The following COL6A6 variants were observed in gnomAD, a reference collection of about 807,000 sequenced individuals.
COL6A6 encodes the protein collagen type VI alpha 6 chain, also known as collagen alpha-6(VI) chain.
Under a neutral mutation model 208.6 loss-of-function variants are expected in COL6A6, and 183 were observed. That is an observed-to-expected ratio of 0.88 (90% CI 0.78 to 0.99). The LOEUF (loss-of-function observed/expected upper bound fraction) is 0.99. COL6A6 is among the 50% of genes least tolerant of loss of function. COL6A6 has a pLI of 0.00. For missense variants in COL6A6, 2,816 were observed against 2,815.2 expected, an observed-to-expected ratio of 1.00 and a Z score of -0.01; for synonymous variants, 973 against 1,011.8, an observed-to-expected ratio of 0.96 and a Z score of 0.73.
In COL6A6 at chr3:130,586,604, A is replaced by C. The variant is rs2063548355; in HGVS notation, c.4069A>C (p.Arg1357=). The change falls in exon 11 of 37, where the codon AGG becomes CGG. Residue 1357 remains arginine, a synonymous_variant. Transcript: ENST00000358511. ...TGAATTTGGGAAAGGATTTGAGTAC[A>C]GGACACAGCTCTCTATTGGCATGAG... is the stretch of plus-strand genomic sequence containing the variant. The part of the protein sequence containing the change: ...YIEFGKGFEY[R]TQLSIGMREL... 6.2e-7 allele frequency: 1 copy of C among 1,613,872 alleles called. No individual in the cohort carries two copies. Among genetic ancestry groups the C allele is most frequent in the Admixed American group, 1.7e-5 (1 of 60,008 alleles).
intron 10 of COL6A6, among the ~76,000 whole-genome samples, chr3:130,584,163 C>T (rs2063484437): frequency 6.6e-6 from 1 of 152,098 alleles, no homozygotes; most frequent in African/African-American, 2.4e-5. Flanking sequence ...GATCATGTGA[C>T]TCATTTATTG....
At chr3:130,600,260 G>A (rs753490544) in intron 20 of COL6A6, among the ~76,000 whole-genome samples, 6 of 152,214 alleles carry the variant, frequency 3.9e-5, no homozygotes, top group Non-Finnish European at 7.3e-5. Flanking sequence ...CTTTTACACT[G>A]TTGGTGGGAA....
Position 130,674,372 on chromosome 3 carries a change from A to G in COL6A6, c.6597-830A>G, listed in dbSNP as rs1472904881. Reference sequence around the variant, plus strand: ...TTTTTTCAGACAGGCTCTAAGTTCTACTTAGCACTTGGCTTCTATGATTCC... The same window carrying G: ...TTTTTTCAGACAGGCTCTAAGTTCTGCTTAGCACTTGGCTTCTATGATTCC... On this transcript the variant is annotated intron_variant, in intron 36 of 36. Transcript: ENST00000358511. 2.0e-5 allele frequency among the ~76,000 whole-genome samples: 3 copies of G among 152,120 alleles called. No individual in the cohort carries two copies. In the South Asian group the frequency reaches 6.2e-4, roughly 32 times the overall value.
intron 28 of COL6A6, among the ~76,000 whole-genome samples, chr3:130,639,139 G>T (rs1383763665): frequency 6.6e-6 from 1 of 152,014 alleles, no homozygotes; most frequent in Non-Finnish European, 1.5e-5. Flanking sequence ...CTTTCTGGGA[G>T]AGTTCGTTGA....
intron 1 of COL6A6, among the ~76,000 whole-genome samples, chr3:130,536,768 T>C (rs2062234711): frequency 1.3e-5 from 2 of 152,170 alleles, no homozygotes; most frequent in South Asian, 4.1e-4. Flanking sequence ...AAGGCCCTGA[T>C]GAACATGGAA....
intron 34 of COL6A6, among the ~76,000 whole-genome samples, 167 bp from the exon 35 acceptor site, chr3:130,661,470 G>A (rs536009559): frequency 2.6e-5 from 4 of 152,182 alleles, no homozygotes; most frequent in South Asian, 2.1e-4. Flanking sequence ...GTACTTTTGG[G>A]GGACAGATGC....
At position 130,557,924 on chromosome 3, in the gene COL6A6, C is replaced by A. The variant is rs181502812; in HGVS notation, c.-31-2410C>A. Among the ~76,000 whole-genome samples the A allele has an allele frequency of 2.2e-4, 33 of 152,168 alleles. No individual in the cohort carries two copies. In the East Asian group the frequency reaches 5.8e-3, roughly 27 times the overall value. On this transcript the variant is annotated intron_variant, in intron 1 of 36. Transcript: ENST00000358511. ...CAGAGATCTAGATTTTTTAAAAAGA[C>A]CTTTATAGCATATAAAGAGAAAGTA...
intron 32 of COL6A6, among the ~76,000 whole-genome samples, chr3:130,646,587 CA>C (rs1358582341): frequency 6.6e-6 from 1 of 152,096 alleles, no homozygotes; most frequent in Non-Finnish European, 1.5e-5. Flanking sequence ...CAAAAAAAAC[CA>C]AAGGAGCCAT....
At chr3:130,607,974 G>C (rs369382239) in intron 21 of COL6A6, among the ~76,000 whole-genome samples, 19 of 152,320 alleles carry the variant, frequency 1.2e-4, no homozygotes, top group South Asian at 4.1e-4. Flanking sequence ...GTGAGGGCTT[G>C]CTGTTCACTC....
At chr3:130,547,277 C>T (rs540447643) in intron 1 of COL6A6, among the ~76,000 whole-genome samples, 47 of 152,374 alleles carry the variant, frequency 3.1e-4, no homozygotes, top group African/African-American at 6.5e-4. Flanking sequence ...GGGGACCCAG[C>T]GCCCCCTCTG....
intron 6 of COL6A6, 118 bp downstream of exon 6, chr3:130,568,722 T>C (rs2063092305): frequency 9.0e-6 from 9 of 998,598 alleles, no homozygotes; most frequent in South Asian, 1.7e-5. Context: ...ATTGAAATGT[T>C]TCTCCTAGTG....
rs757924698 is a variant in COL6A6 at position 130,649,440 on chromosome 3, A to G, written c.5611A>G (p.Ser1871Gly). The G allele has an allele frequency of 3.7e-6, 6 of 1,612,868 alleles. No homozygotes were observed. The African/African-American group carries it at 5.3e-5, about 14-fold the overall frequency. Reference sequence around the variant, plus strand: ...CACGAGAAAAATCGCCACATTTTTCAGCAGCGGTCAGTCCGCGGATGCCCA... The same window carrying G: ...CACGAGAAAAATCGCCACATTTTTCGGCAGCGGTCAGTCCGCGGATGCCCA... Reference protein sequence around the residue: ...AHTRKIATFFSSGQSADAHSI... With the variant: ...AHTRKIATFFGSGQSADAHSI... Residue 1871 changes from serine (S) to glycine (G), a missense_variant, in exon 33 of 37, where the codon AGC (serine) becomes GGC (glycine). Transcript: ENST00000358511.
intron 33 of COL6A6, among the ~76,000 whole-genome samples, chr3:130,651,622 GGAAAT>G (rs2065647950): frequency 6.6e-6 from 1 of 152,044 alleles, no homozygotes; most frequent in East Asian, 1.9e-4. Flanking sequence ...GTTCAGATAG[GGAAAT>G]GCAATAAAGT....
intron 1 of COL6A6, among the ~76,000 whole-genome samples, chr3:130,549,000 T>A (rs1369608646): frequency 6.6e-6 from 1 of 152,220 alleles, no homozygotes; most frequent in Admixed American, 6.5e-5. Flanking sequence ...AAGCTTCTTA[T>A]ATGCTAGGCT....
chr3:130,649,208 C>A lies in COL6A6; in HGVS notation c.5379C>A (p.Ser1793Arg). The A allele has an allele frequency of 6.3e-7, 1 of 1,592,792 alleles. No individual in the cohort carries two copies. The highest frequency in any genetic ancestry group is 8.6e-7 in the Non-Finnish European group (1 of 1,169,454). Residue 1793 changes from serine (S) to arginine (R), a missense_variant, in exon 33 of 37, where the codon AGC becomes AGA. Coordinates refer to ENST00000358511, the MANE Select transcript of COL6A6 (RefSeq NM_001102608.3). ...LVRDIKVRENSCPVGAHIAIL... is the reference protein window; with the variant it reads ...LVRDIKVRENRCPVGAHIAIL... ...GAGACATTAAGGTCCGGGAGAACAG[C>A]TGCCCCGTGGGAGCGCACATCGCCA...
At chr3:130,537,855 T>C (rs1383371901) in intron 1 of COL6A6, among the ~76,000 whole-genome samples, 2 of 152,226 alleles carry the variant, frequency 1.3e-5, no homozygotes, top group Non-Finnish European at 2.9e-5. Context: ...TTTTGTATCT[T>C]GGTCAAATAC....
chr3:130,516,954 C>T (rs1381322706), upstream of COL6A6, among the ~76,000 whole-genome samples: 1 of 152,212 alleles, frequency 6.6e-6, no homozygotes, highest in Non-Finnish European at 1.5e-5. Flanking sequence ...TCCCCTCTTT[C>T]TTTTCTCCCA....
At chr3:130,623,434 G>A (rs2064795672) in intron 24 of COL6A6, among the ~76,000 whole-genome samples, 2 of 152,202 alleles carry the variant, frequency 1.3e-5, no homozygotes, top group Non-Finnish European at 2.9e-5. Flanking sequence ...ACTCCAGCCT[G>A]GGTGACAGAG....
intron 33 of COL6A6, among the ~76,000 whole-genome samples, chr3:130,650,518 G>A (rs1184197378): frequency 6.6e-6 from 1 of 151,972 alleles, no homozygotes; most frequent in African/African-American, 2.4e-5. Flanking sequence ...CTACTGGGGA[G>A]GCTGAGACAG....
Sources: allele counts gnomAD v4.1 joint callset (sites outside exome capture counted in the v4.1 genomes callset), GRCh38; gene constraint gnomAD v4.1.1; transcripts MANE v1.5; gene names NCBI Gene and HGNC (gene_info 2026-07-23, HGNC 2026-07-21).